ZUP1: variants seen among roughly 807,000 people sequenced by gnomAD.
ZUP1 encodes the protein zinc finger containing ubiquitin peptidase 1.
ZUP1 carries 55 observed loss-of-function variants against 68.1 expected under a neutral mutation model. The observed-to-expected ratio is 0.81, with a 90% CI of 0.65 to 1.01. The LOEUF is 1.01. ZUP1 is among the 50% of genes least tolerant of loss of function. The probability of loss-of-function intolerance (pLI) is 0.00; values close to 1 mark genes in which losing one functional copy is unlikely to be tolerated. For synonymous variants in ZUP1, 223 were observed against 221.5 expected, an observed-to-expected ratio of 1.01 and a Z score of -0.06; for missense variants, 684 against 674.9, an observed-to-expected ratio of 1.01 and a Z score of -0.15.
chr6:116,647,081 C>T (rs1040544604), intron 8 of ZUP1, among the ~76,000 whole-genome samples: 15 of 152,140 alleles, frequency 9.9e-5, no homozygotes. Context: ...ATCTTAATTA[C>T]CTAAGAAAGT....
At chr6:116,649,452 G>A (rs1202391893) in intron 7 of ZUP1, among the ~76,000 whole-genome samples, 3 of 152,086 alleles carry the variant, frequency 2.0e-5, no homozygotes, top group Admixed American at 6.6e-5. Context: ...AAAATGGAAA[G>A]CACCACAGAG....
chr6:116,644,662 G>A (rs535704646), intron 9 of ZUP1, among the ~76,000 whole-genome samples: 14 of 151,662 alleles, frequency 9.2e-5, no homozygotes, highest in African/African-American at 3.4e-4. Flanking sequence ...ACACAGGAAG[G>A]GGAACATCAC....
rs753682042 is a variant in ZUP1 at position 116,647,607 on chromosome 6, A to C, written c.1320T>G (p.Cys440Trp). The change falls in exon 8 of 10, where the codon TGT becomes TGG. Residue 440 changes from cysteine (C) to tryptophan (W), a missense_variant. Transcript: ENST00000368576. ...TTGATTTGTGAAAATCAACAATATG[A>C]CACCTATTAAAAATTGACAAAATGC... ...YILLTSLRVK[C>W]HIVDFHKSTG... The C allele has an allele frequency of 6.6e-7, 1 of 1,524,556 alleles. No individual in the cohort carries two copies. Among genetic ancestry groups the C allele is most frequent in the South Asian group, 1.3e-5 (1 of 77,112 alleles). 94.4% of individuals were successfully genotyped at this position (1,524,556 alleles called of 1,614,324 possible).
chr6:116,639,019 C>T (rs1023484444), intron 9 of ZUP1, among the ~76,000 whole-genome samples: 8 of 152,342 alleles, frequency 5.3e-5, no homozygotes, highest in African/African-American at 1.9e-4. Context: ...TAGGAAACGG[C>T]GCACCAGGAG....
chr6:116,645,369 C>T (rs1234424447), intron 9 of ZUP1, among the ~76,000 whole-genome samples: 1 of 151,788 alleles, frequency 6.6e-6, no homozygotes, highest in Non-Finnish European at 1.5e-5. Context: ...TCGCTTGAGC[C>T]TAGGAGTTTG....
At chr6:116,656,156 C>G (rs56103760) in intron 5 of ZUP1, among the ~76,000 whole-genome samples, 1 of 151,676 alleles carries the variant, frequency 6.6e-6, no homozygotes, top group African/African-American at 2.4e-5. Flanking sequence ...CTCGGCTCAC[C>G]GCAACCTCCG....
chr6:116,660,457 A>G (rs576561300), intron 3 of ZUP1: 51 of 263,934 alleles, frequency 1.9e-4, no homozygotes, highest in African/African-American at 8.9e-4. Flanking sequence ...AAGCAGCTCA[A>G]GATGCACTGA....
chr6:116,642,011 C>T (rs1056322594), intron 9 of ZUP1, among the ~76,000 whole-genome samples: 15 of 152,064 alleles, frequency 9.9e-5, no homozygotes, highest in Non-Finnish European at 1.5e-4. Flanking sequence ...GATATCACCA[C>T]CGATCCCACA....
chr6:116,643,775 T>C (rs922621012), intron 9 of ZUP1, among the ~76,000 whole-genome samples: 1 of 152,198 alleles, frequency 6.6e-6, no homozygotes, highest in Non-Finnish European at 1.5e-5. Flanking sequence ...CACATAGGCA[T>C]GGGCAAGGAC....
At chr6:116,650,533 CA>C (rs1776458795) in intron 7 of ZUP1, among the ~76,000 whole-genome samples, 5 of 151,584 alleles carry the variant, frequency 3.3e-5, no homozygotes, top group Admixed American at 6.6e-5. Flanking sequence ...CCTCTGAAGT[CA>C]TGCTGTATGC....
chr6:116,637,171 A>C (rs1386885545), intron 9 of ZUP1, among the ~76,000 whole-genome samples: 1 of 152,208 alleles, frequency 6.6e-6, no homozygotes, highest in Admixed American at 6.5e-5. Context: ...AGAAGAGGCA[A>C]TATAGGGCTC....
In ZUP1 at chr6:116,645,774, T is replaced by C; in HGVS notation, c.1629A>G (p.Leu543=). The change falls in exon 9 of 10, where the codon TTA becomes TTG. Residue 543 remains leucine, a synonymous_variant. Transcript: ENST00000368576. The part of the protein sequence containing the change: ...LKQLRKSMGN[L]KHKQYQILAV... ...CCAATATCTGGTATTGCTTATGTTT[T>C]AAATTTCCCATAGATTTCCGAAGTT... 24 of 1,613,962 alleles carry C rather than the reference T, an allele frequency of 1.5e-5. No homozygotes were observed. The highest frequency in any genetic ancestry group is 1.9e-5 in the Non-Finnish European group (23 of 1,179,938).
At position 116,652,011 on chromosome 6, in the gene ZUP1, G is replaced by A. The variant is rs532832442; in HGVS notation, c.1143C>T (p.Cys381=). The A allele has an allele frequency of 2.5e-6, 4 of 1,613,574 alleles. No homozygotes were observed. Among genetic ancestry groups the A allele is most frequent in the Admixed American group, 3.3e-5 (2 of 59,994 alleles). Residue 381 remains cysteine, a synonymous_variant, in exon 6 of 10, where the codon TGC becomes TGT. Transcript: ENST00000368576. Reference sequence around the variant, plus strand: ...GTACTAGATTTCACATACCTTTTAAGCAATCGTTGTAAGCATCATTTTGTA... The same window carrying A: ...GTACTAGATTTCACATACCTTTTAAACAATCGTTGTAAGCATCATTTTGTA... ...SLLQNDAYND[C]LKGMLIPCIP...
chr6:116,640,126 G>A (rs1776046863), intron 9 of ZUP1, among the ~76,000 whole-genome samples: 1 of 150,790 alleles, frequency 6.6e-6, no homozygotes, highest in Admixed American at 6.6e-5. Flanking sequence ...AGCGAGAAGG[G>A]AAGTTTAGAG....
intron 1 of ZUP1, among the ~76,000 whole-genome samples, chr6:116,667,996 C>T (rs2114307211): frequency 6.7e-6 from 1 of 150,066 alleles, no homozygotes; most frequent in East Asian, 1.9e-4. Context: ...AAAGTACTGA[C>T]TACTGACATA....
At position 116,651,607 on chromosome 6, in the gene ZUP1, A is replaced by C; in HGVS notation, c.1281T>G (p.Cys427Trp). 6.2e-7 allele frequency: 1 copy of C among 1,613,808 alleles called. No homozygotes were observed. The highest frequency in any genetic ancestry group is 8.5e-7 in the Non-Finnish European group (1 of 1,179,774). ...LQGTKAWIGA[C>W]EVYILLTSLR... ...GGGAGGTCAGGAGTATATATACTTC[A>C]CATGCTCCAATCCAGGCCTTTGTTC... Residue 427 changes from cysteine (C) to tryptophan (W), a missense_variant, in exon 7 of 10, where the codon TGT becomes TGG. Coordinates refer to ENST00000368576, the MANE Select transcript of ZUP1 (RefSeq NM_145062.3).
intron 9 of ZUP1, among the ~76,000 whole-genome samples, chr6:116,642,734 T>C (rs1223140944): frequency 6.6e-6 from 1 of 152,088 alleles, no homozygotes; most frequent in Non-Finnish European, 1.5e-5. Context: ...AATATCATAC[T>C]GAATGGGCAA....
At chr6:116,658,399 G>A (rs1019001618) in intron 4 of ZUP1, among the ~76,000 whole-genome samples, 19 of 152,138 alleles carry the variant, frequency 1.2e-4, no homozygotes, top group Non-Finnish European at 2.9e-5. Flanking sequence ...TATAAATTTC[G>A]CTTCCAAGCA....
At chr6:116,658,678 G>A in intron 4 of ZUP1, 125 bp downstream of exon 4, 2 of 813,202 alleles carry the variant, frequency 2.5e-6, no homozygotes, top group South Asian at 2.1e-5. Context: ...TATAAATGGT[G>A]TCTGTTACAA....
Sources: gnomAD v4.1 joint callset for allele counts (sites outside exome capture counted in the v4.1 genomes callset) on GRCh38, gnomAD v4.1.1 for gene constraint, MANE v1.5 for transcripts, NCBI Gene and HGNC (gene_info 2026-07-23, HGNC 2026-07-21) for gene names.